The following THSD7A variants were observed in gnomAD, a reference collection of about 807,000 sequenced individuals.
The protein encoded by THSD7A is thrombospondin type 1 domain containing 7A, also known as thrombospondin type-1 domain-containing protein 7A.
In THSD7A, 96 loss-of-function variants were observed where a neutral mutation model predicts 231.3. That is an observed-to-expected ratio of 0.41 (90% CI 0.35 to 0.49). The LOEUF is 0.49. THSD7A is among the 20% of genes least tolerant of loss of function. The pLI is 0.05. For missense variants in THSD7A, 2,290 were observed against 2,070.2 expected, an observed-to-expected ratio of 1.11 and a Z score of -2.06; for synonymous variants, 940 against 743.3, an observed-to-expected ratio of 1.26 and a Z score of -4.30.
chr7:11,714,638 G>A (rs1452976248), intron 1 of THSD7A, among the ~76,000 whole-genome samples: 1 of 150,374 alleles, frequency 6.7e-6, no homozygotes, highest in Non-Finnish European at 1.5e-5. Context: ...AACACAGAAA[G>A]CATCTTCTTA....
At chr7:11,432,698 GTTTA>G (rs1361064752) in intron 13 of THSD7A, among the ~76,000 whole-genome samples, 1 of 151,928 alleles carries the variant, frequency 6.6e-6, no homozygotes, top group Non-Finnish European at 1.5e-5. Flanking sequence ...ACTATGACTT[GTTTA>G]TTCATTCTAT....
intron 1 of THSD7A, among the ~76,000 whole-genome samples, chr7:11,685,791 C>T (rs1186652179): frequency 6.6e-6 from 1 of 151,854 alleles, no homozygotes; most frequent in Non-Finnish European, 1.5e-5. Flanking sequence ...AAATTAGCCC[C>T]TGTGCAAAGC....
chr7:11,530,513 C>A (rs1001439371), intron 6 of THSD7A, among the ~76,000 whole-genome samples: 2 of 152,084 alleles, frequency 1.3e-5, no homozygotes, highest in Non-Finnish European at 2.9e-5. Flanking sequence ...CGACATGATA[C>A]CTACCCCATA....
chr7:11,540,657 C>T (rs12112423), intron 6 of THSD7A, among the ~76,000 whole-genome samples: 24,460 of 152,098 alleles, frequency 0.16, 2,004 homozygotes, highest in Admixed American at 0.18. Flanking sequence ...TTGTGGTTTT[C>T]AAGTGTGACT....
chr7:11,784,248 G>A (rs183804619), intron 1 of THSD7A, among the ~76,000 whole-genome samples: 16 of 149,336 alleles, frequency 1.1e-4, no homozygotes, highest in East Asian at 5.9e-4. Context: ...GTGTGTGTGT[G>A]TATATATATA....
Position 11,637,075 on chromosome 7 carries a change from C to T in THSD7A, c.191-114G>A. 1 of 944,560 alleles carries T rather than the reference C, an allele frequency of 1.1e-6. No individual in the cohort carries two copies. Among genetic ancestry groups the T allele is most frequent in the Non-Finnish European group, 1.6e-6 (1 of 641,748 alleles). 58.5% of individuals were successfully genotyped at this position (944,560 alleles called of 1,614,324 possible). On this transcript the variant is annotated intron_variant, in intron 1 of 27. Transcript: ENST00000423059. The surrounding 1 kb of genome is among the most constrained non-coding windows in gnomAD (Gnocchi z 4.2). Reference sequence around the variant, plus strand: ...GTACATTAACTTCCCTGCGGTGTTACAAAGTAGGTCTCTGGACACGACTGT... The same window carrying T: ...GTACATTAACTTCCCTGCGGTGTTATAAAGTAGGTCTCTGGACACGACTGT...
chr7:11,582,429 T>C (rs1791206619), intron 4 of THSD7A, among the ~76,000 whole-genome samples: 1 of 152,128 alleles, frequency 6.6e-6, no homozygotes, highest in African/African-American at 2.4e-5. Context: ...TCCTATCCTA[T>C]ATTATTTTTG....
chr7:11,550,693 C>A (rs372556846), intron 4 of THSD7A, among the ~76,000 whole-genome samples: 1 of 152,100 alleles, frequency 6.6e-6, no homozygotes, highest in African/African-American at 2.4e-5. Flanking sequence ...ATTACCCAGT[C>A]CCAAGTAGTT....
In THSD7A at chr7:11,394,577, C is replaced by A. The variant is rs545120808; in HGVS notation, c.4411+7218G>T. Among the ~76,000 whole-genome samples the A allele has an allele frequency of 2.6e-5, 4 of 152,208 alleles. No individual in the cohort carries two copies. In the South Asian group the frequency reaches 8.3e-4, roughly 32 times the overall value. ...TGTAGGGGAATTTATCTTAAACAGG[C>A]TTGTTTACTTGTGTTGACCAAGAAC... On this transcript the variant is annotated intron_variant, in intron 23 of 27. Coordinates refer to ENST00000423059, the MANE Select transcript of THSD7A (RefSeq NM_015204.3).
At chr7:11,492,517 A>G (rs1786938378) in intron 6 of THSD7A, among the ~76,000 whole-genome samples, 2 of 152,186 alleles carry the variant, frequency 1.3e-5, no homozygotes, top group Non-Finnish European at 2.9e-5. Context: ...TACACATTCT[A>G]TATTTATCAC....
Position 11,371,349 on chromosome 7 carries a change from C to A in THSD7A, c.*4445G>T, listed in dbSNP as rs1782044685. The A allele has an allele frequency of 6.6e-6, 1 of 152,192 alleles. No individual in the cohort carries two copies. Among genetic ancestry groups the A allele is most frequent in the Non-Finnish European group, 1.5e-5 (1 of 68,048 alleles). 9.4% of individuals were successfully genotyped at this position (152,192 alleles called of 1,614,324 possible). On this transcript the variant is annotated 3_prime_UTR_variant, in exon 28 of 28. Transcript: ENST00000423059. ...CACCTGAGGGCAGGACCTGGGGAGA[C>A]CCTTATTCCCAGAACAAGCAGATGT...
intron 1 of THSD7A, among the ~76,000 whole-genome samples, chr7:11,643,084 G>A (rs1562435646): frequency 6.6e-6 from 1 of 152,008 alleles, no homozygotes; most frequent in Non-Finnish European, 1.5e-5. Flanking sequence ...GAAATTATGA[G>A]AACTACTTTT....
At chr7:11,530,457 G>A (rs1788658430) in intron 6 of THSD7A, among the ~76,000 whole-genome samples, 1 of 152,192 alleles carries the variant, frequency 6.6e-6, no homozygotes, top group South Asian at 2.1e-4. Flanking sequence ...TTGACAATCT[G>A]TTAAGTGGAA....
At chr7:11,624,814 A>T (rs1466924599) in intron 2 of THSD7A, among the ~76,000 whole-genome samples, 1 of 152,138 alleles carries the variant, frequency 6.6e-6, no homozygotes, top group Non-Finnish European at 1.5e-5. Context: ...CCTAAACAGA[A>T]TTAAAGACAT....
intron 6 of THSD7A, among the ~76,000 whole-genome samples, chr7:11,499,015 C>A (rs1787224886): frequency 6.6e-6 from 1 of 152,188 alleles, no homozygotes; most frequent in African/African-American, 2.4e-5. Flanking sequence ...TCAGCAACTC[C>A]TTTGACAGAG....
chr7:11,718,283 G>A (rs572006954), intron 1 of THSD7A, among the ~76,000 whole-genome samples: 19 of 151,712 alleles, frequency 1.3e-4, no homozygotes, highest in African/African-American at 3.9e-4. Context: ...ACAAATTTGA[G>A]TACATTTAAA....
At chr7:11,625,187 T>C (rs1278182725) in intron 2 of THSD7A, among the ~76,000 whole-genome samples, 2 of 152,160 alleles carry the variant, frequency 1.3e-5, no homozygotes, top group African/African-American at 2.4e-5. Flanking sequence ...TAGTTTGTGA[T>C]CTGTTATATG....
At chr7:11,418,350 T>G (rs1422121807) in intron 16 of THSD7A, among the ~76,000 whole-genome samples, 1 of 152,216 alleles carries the variant, frequency 6.6e-6, no homozygotes, top group Non-Finnish European at 1.5e-5. Flanking sequence ...GAAGGGCTCC[T>G]TATTCATCTT....
chr7:11,758,444 C>A (rs1782753129), intron 1 of THSD7A, among the ~76,000 whole-genome samples: 2 of 151,984 alleles, frequency 1.3e-5, no homozygotes, highest in Non-Finnish European at 2.9e-5. Flanking sequence ...AAAGTAAATG[C>A]TGAAATCTGC....
Sources: gnomAD v4.1 joint callset for allele counts (sites outside exome capture counted in the v4.1 genomes callset) on GRCh38, gnomAD v4.1.1 for gene constraint, Gnocchi (gnomAD v3.1) non-coding constraint, MANE v1.5 for transcripts, NCBI Gene and HGNC (gene_info 2026-07-23, HGNC 2026-07-21) for gene names.